The following OR56B2 variants were observed in gnomAD, a reference collection of about 807,000 sequenced individuals.
OR56B2 encodes the protein olfactory receptor 56B2.
chr11:5,764,048 C>G, the OR56B2 span, among the ~76,000 whole-genome samples: 2 of 140,256 alleles, frequency 1.4e-5, no homozygotes, highest in South Asian at 2.3e-4. Flanking sequence ...ATAATTTTAG[C>G]GCACAAATTT....
At chr11:5,765,584 T>C in the OR56B2 span, 9 of 140,508 alleles carry the variant, frequency 6.4e-5, 2 homozygotes, top group African/African-American at 2.1e-4. Flanking sequence ...ACAGCCTGTG[T>C]CTCATCTCAG....
the OR56B2 span, chr11:5,765,958 A>G: frequency 1.4e-5 from 2 of 140,200 alleles, no homozygotes; most frequent in African/African-American, 5.2e-5. Context: ...GTGCTACACA[A>G]TGTCATTCCC....
the OR56B2 span, chr11:5,766,727 A>G: frequency 1.4e-5 from 2 of 139,422 alleles, no homozygotes; most frequent in Non-Finnish European, 3.2e-5. Flanking sequence ...TTTTTTTGCA[A>G]TAAGAGATTA....
chr11:5,768,633 T>G, the OR56B2 span, among the ~76,000 whole-genome samples: 1 of 139,750 alleles, frequency 7.2e-6, no homozygotes, highest in East Asian at 2.0e-4. Context: ...TCTTGAATAT[T>G]TCCGTACTGT....
the OR56B2 span, chr11:5,767,529 TATA>T: frequency 3.6e-5 from 5 of 139,568 alleles, 2 homozygotes; most frequent in South Asian, 4.7e-4. Flanking sequence ...TCAGCTTCAC[TATA>T]ATAATTATTT....
the OR56B2 span, chr11:5,767,606 TAC>T: frequency 1.4e-5 from 2 of 139,678 alleles, no homozygotes; most frequent in Admixed American, 1.5e-4. Flanking sequence ...AAACTTATCT[TAC>T]AAAAATTCAA....
chr11:5,763,965 T>A, the OR56B2 span, among the ~76,000 whole-genome samples: 1 of 140,616 alleles, frequency 7.1e-6, no homozygotes, highest in Non-Finnish European at 1.6e-5. Context: ...TTGTTACAAG[T>A]AGTATAAGAT....
the OR56B2 span, among the ~76,000 whole-genome samples, chr11:5,764,533 T>C: frequency 1.4e-5 from 2 of 141,138 alleles, no homozygotes; most frequent in Non-Finnish European, 3.1e-5. Flanking sequence ...TACATGACTA[T>C]AAAATGGGTA....
chr11:5,766,210 A>T, the OR56B2 span: 8 of 140,746 alleles, frequency 5.7e-5, 2 homozygotes, highest in Non-Finnish European at 1.1e-4. Flanking sequence ...TAGAAGTAAT[A>T]TTTGAAATAT....
chr11:5,765,984 A>G, the OR56B2 span: 1 of 140,278 alleles, frequency 7.1e-6, no homozygotes, highest in Non-Finnish European at 1.6e-5. Flanking sequence ...CCTGAACCCC[A>G]TGGTATATGC....
At chr11:5,762,751 A>AATTTATGTATTAATAAAAAAAAG in the OR56B2 span, among the ~76,000 whole-genome samples, 1 of 152,022 alleles carries the variant, frequency 6.6e-6, no homozygotes, top group South Asian at 2.1e-4. Context: ...AAAAGACAAA[A>AATTTATGTATTAATAAAAAAAAG]ACAAATAATT....
the OR56B2 span, among the ~76,000 whole-genome samples, chr11:5,767,827 C>G: frequency 1.4e-5 from 2 of 138,818 alleles, no homozygotes; most frequent in South Asian, 4.7e-4. Context: ...CACCTAGTAT[C>G]TGATTCCATT....
chr11:5,762,323 T>A, the OR56B2 span, among the ~76,000 whole-genome samples: 1 of 152,120 alleles, frequency 6.6e-6, no homozygotes, highest in Non-Finnish European at 1.5e-5. Flanking sequence ...TGTCCAATAC[T>A]ATTTTATATT....
the OR56B2 span, among the ~76,000 whole-genome samples, chr11:5,762,362 T>A: frequency 1.3e-5 from 2 of 152,144 alleles, no homozygotes; most frequent in African/African-American, 4.8e-5. Context: ...ATGCCCTTGC[T>A]AAATTTTTCT....
the OR56B2 span, among the ~76,000 whole-genome samples, chr11:5,769,079 G>A: frequency 2.9e-5 from 4 of 138,966 alleles, 1 homozygote; most frequent in Non-Finnish European, 6.4e-5. Flanking sequence ...CATAAAATTA[G>A]ATTAATTATT....
At chr11:5,762,798 CG>C in the OR56B2 span, among the ~76,000 whole-genome samples, 1 of 151,828 alleles carries the variant, frequency 6.6e-6, no homozygotes, top group Non-Finnish European at 1.5e-5. Context: ...TTTTTGTTTA[CG>C]TATTTATTTA....
the OR56B2 span, among the ~76,000 whole-genome samples, chr11:5,761,792 T>C: frequency 6.6e-6 from 1 of 152,158 alleles, no homozygotes; most frequent in East Asian, 1.9e-4. Flanking sequence ...AGAATTTTAA[T>C]TAGGCATTTT....
At chr11:5,766,425 A>G in the OR56B2 span, 16 of 140,760 alleles carry the variant, frequency 1.1e-4, 4 homozygotes, top group Admixed American at 7.3e-4. Flanking sequence ...TTAATATTTT[A>G]CATTTGATGT....
chr11:5,766,723 T>G, the OR56B2 span: 4 of 139,454 alleles, frequency 2.9e-5, 1 homozygote, highest in African/African-American at 5.3e-5. Flanking sequence ...TTTATTTTTT[T>G]GCAATAAGAG....
Sources: allele counts gnomAD v4.1 joint callset (sites outside exome capture counted in the v4.1 genomes callset), GRCh38; gene constraint gnomAD v4.1.1; transcripts MANE v1.5; gene names NCBI Gene and HGNC (gene_info 2026-07-23, HGNC 2026-07-21).